The following TTC6 variants were observed in gnomAD, a reference collection of about 807,000 sequenced individuals.
TTC6 encodes tetratricopeptide repeat protein 6.
A neutral mutation model predicts 210.4 loss-of-function variants in TTC6; 172 were observed. The ratio of observed to expected loss-of-function variants is 0.82; its 90% CI spans 0.72 to 0.93. The LOEUF (loss-of-function observed/expected upper bound fraction) is 0.93, where lower values mean the gene tolerates loss of function less well. Ranked by LOEUF, TTC6 falls within the 40% of genes least tolerant of loss-of-function variation. TTC6 has a pLI of 0.00. For missense variants in TTC6, 2,414 were observed against 2,318.1 expected, an observed-to-expected ratio of 1.04 and a Z score of -0.85; for synonymous variants, 804 against 819.6, an observed-to-expected ratio of 0.98 and a Z score of 0.32.
At chr14:37,608,910 G>A (rs71405800) in intron 2 of TTC6, among the ~76,000 whole-genome samples, 8,743 of 152,186 alleles carry the variant, frequency 0.057, 388 homozygotes, top group Non-Finnish European at 0.09. Flanking sequence ...TTGGAAAGTG[G>A]CAAAAGCTAG....
At chr14:37,784,258 G>A (rs556541984) in intron 14 of TTC6, among the ~76,000 whole-genome samples, 36 of 152,262 alleles carry the variant, frequency 2.4e-4, no homozygotes, top group African/African-American at 8.4e-4. Flanking sequence ...GGGAGTCTAA[G>A]TCTCTTTGTA....
chr14:37,690,773 C>T (rs2095802142), intron 3 of TTC6, among the ~76,000 whole-genome samples: 2 of 151,756 alleles, frequency 1.3e-5, no homozygotes, highest in African/African-American at 4.9e-5. Context: ...AATACAATAG[C>T]TGAAAACTTC....
rs544937967 is a variant in TTC6, at chr14:37,831,554, G to A, written c.5298+4188G>A. ...CTCACCGTTAGTGTACTAAAGCTCCGATTCTCTGTATTCTTGCCAGACGTT... is the reference window on the plus strand; with the variant it reads ...CTCACCGTTAGTGTACTAAAGCTCCAATTCTCTGTATTCTTGCCAGACGTT... On this transcript the variant is annotated intron_variant, in intron 29 of 30. Coordinates refer to ENST00000553443, the Ensembl canonical transcript of TTC6. 2.0e-5 allele frequency among the ~76,000 whole-genome samples: 3 copies of A among 152,122 alleles called. No individual in the cohort carries two copies. In the East Asian group the frequency reaches 5.8e-4, roughly 29 times the overall value.
intron 1 of TTC6, among the ~76,000 whole-genome samples, chr14:37,666,066 C>G (rs189091731): frequency 6.6e-6 from 1 of 150,678 alleles, no homozygotes; most frequent in African/African-American, 2.4e-5. Context: ...GATCATCCAT[C>G]TATATTATAC....
chr14:37,826,458 A>G, intron 28 of TTC6, 111 bp downstream of exon 30: 2 of 1,033,958 alleles, frequency 1.9e-6, no homozygotes, highest in Non-Finnish European at 1.3e-6. Context: ...TGGAGAAAAT[A>G]ATGTTTTGTA....
intron 14 of TTC6, among the ~76,000 whole-genome samples, chr14:37,772,222 A>T (rs1458207087): frequency 1.3e-5 from 2 of 152,164 alleles, no homozygotes; most frequent in Admixed American, 6.5e-5. Flanking sequence ...TCAGATAGGG[A>T]CATTTAAGTC....
chr14:37,709,393 G>A (rs1439332040), intron 5 of TTC6, among the ~76,000 whole-genome samples: 1 of 151,992 alleles, frequency 6.6e-6, no homozygotes, highest in Non-Finnish European at 1.5e-5. Context: ...TTAAATTTCT[G>A]TTATATCCAC....
intron 1 of TTC6, 45 bp from the exon 4 acceptor site, chr14:37,680,106 T>A (rs746791846): frequency 4.3e-6 from 5 of 1,157,090 alleles, no homozygotes; most frequent in Non-Finnish European, 2.4e-6. Context: ...TGTGCTTCAA[T>A]GATTTTAAAA....
chr14:37,596,910 C>T (rs1446194745), intron 1 of TTC6, among the ~76,000 whole-genome samples: 1 of 152,050 alleles, frequency 6.6e-6, no homozygotes, highest in Non-Finnish European at 1.5e-5. Context: ...CACTTTAAAT[C>T]CCTGAACCAA....
At chr14:37,742,614 C>T (rs920847990) in intron 10 of TTC6, among the ~76,000 whole-genome samples, 13 of 147,704 alleles carry the variant, frequency 8.8e-5, no homozygotes, top group African/African-American at 2.5e-4. Context: ...GGCAGGGTTT[C>T]GCCATGTTGC....
At chr14:37,795,418 T>C (rs1462184728) in intron 18 of TTC6, 66 bp downstream of exon 20, 1 of 1,084,548 alleles carries the variant, frequency 9.2e-7, no homozygotes, top group African/African-American at 1.6e-5. Flanking sequence ...ATGGGGATCT[T>C]CAGTTCCCTC....
chr14:37,782,964 C>G (rs1012344034), intron 14 of TTC6, among the ~76,000 whole-genome samples: 1 of 152,122 alleles, frequency 6.6e-6, no homozygotes, highest in African/African-American at 2.4e-5. Flanking sequence ...AGCCTTGCAT[C>G]CCAGGGATGA....
chr14:37,695,401 C>T (rs1482814879), intron 3 of TTC6, among the ~76,000 whole-genome samples: 1 of 152,102 alleles, frequency 6.6e-6, no homozygotes, highest in Non-Finnish European at 1.5e-5. Flanking sequence ...GTTGCCCAGG[C>T]TAGAATGCAA....
Position 37,738,644 on chromosome 14 carries a change from T to C in TTC6, c.1984-132T>C, listed in dbSNP as rs555056379. On this transcript the variant is annotated intron_variant, in intron 9 of 30. Transcript: ENST00000553443. ...GCTGACTTTTGAATAATTTTAAGAA[T>C]ACTGATTTTTAAACTTTTAAATTAA... 1.4e-5 allele frequency: 11 copies of C among 771,628 alleles called. No individual in the cohort carries two copies. In the African/African-American group the frequency reaches 1.8e-4, roughly 13 times the overall value. The allele number at this position is 771,628 out of a possible 1,614,324, so 47.8% of individuals were successfully genotyped here. A position where few individuals can be genotyped will look rare whatever the true frequency, so the allele number is the denominator to read the frequency against.
intron 14 of TTC6, among the ~76,000 whole-genome samples, chr14:37,773,562 G>T (rs2096027486): frequency 6.6e-6 from 1 of 152,242 alleles, no homozygotes; most frequent in East Asian, 1.9e-4. Context: ...ACATCAGATG[G>T]TTGTAGGTGT....
At chr14:37,608,790 A>G (rs2095629578) in intron 2 of TTC6, among the ~76,000 whole-genome samples, 1 of 152,158 alleles carries the variant, frequency 6.6e-6, no homozygotes, top group Admixed American at 6.5e-5. Flanking sequence ...CTGTGGTGAT[A>G]CATCAAAGGT....
chr14:37,751,480 C>T (rs2095951807), intron 13 of TTC6, among the ~76,000 whole-genome samples: 1 of 152,012 alleles, frequency 6.6e-6, no homozygotes, highest in South Asian at 2.1e-4. Context: ...ATGTAGGGGG[C>T]CCAGCTTTTC....
intron 1 of TTC6, among the ~76,000 whole-genome samples, chr14:37,668,574 G>A (rs2095752593): frequency 7.4e-6 from 1 of 135,540 alleles, no homozygotes; most frequent in Non-Finnish European, 1.8e-5. Flanking sequence ...GTAGGAATTG[G>A]CGCATCGTTA....
At chr14:37,644,825 G>A (rs1449750884) in intron 1 of TTC6, among the ~76,000 whole-genome samples, 1 of 152,164 alleles carries the variant, frequency 6.6e-6, no homozygotes, top group East Asian at 1.9e-4. Context: ...AATGGAAAAG[G>A]GTGGAGAAAG....
Sources: gnomAD v4.1 joint callset for allele counts (sites outside exome capture counted in the v4.1 genomes callset) on GRCh38, gnomAD v4.1.1 for gene constraint, MANE v1.5 for transcripts, NCBI Gene and HGNC (gene_info 2026-07-23, HGNC 2026-07-21) for gene names.